Variants in ZBTB40 observed in about 807,000 individuals in gnomAD.
The protein encoded by ZBTB40 is zinc finger and BTB domain containing 40, also known as zinc finger and BTB domain-containing protein 40.
In ZBTB40, 60 loss-of-function variants were observed where a neutral mutation model predicts 117.5. That is an observed-to-expected ratio of 0.51 (90% confidence interval 0.41 to 0.63). The LOEUF (loss-of-function observed/expected upper bound fraction) is 0.63, where lower values mean the gene tolerates loss of function less well. Among genes scored for constraint, ZBTB40 ranks in the 30% least tolerant of loss-of-function variants. The pLI is 0.00. For synonymous variants in ZBTB40, 525 were observed against 577.1 expected (o/e 0.91, Z 1.29); for missense variants, 1,287 against 1,498.5 (o/e 0.86, Z 2.33).
chr1:22,495,850 G>A (rs550527782), intron 3 of ZBTB40, among the ~76,000 whole-genome samples: 10 of 152,258 alleles, frequency 6.6e-5, no homozygotes, highest in African/African-American at 2.4e-4. Context: ...AACTCTTCTG[G>A]ACATTAGCAC....
At chr1:22,521,692 G>A in intron 15 of ZBTB40, 34 bp downstream of exon 15, 1 of 1,614,110 alleles carries the variant, frequency 6.2e-7, no homozygotes, top group East Asian at 2.2e-5. Flanking sequence ...GAGAGCGGGA[G>A]GGGCTTGATG....
chr1:22,513,085 C>T lies in ZBTB40; in HGVS notation c.2623C>T (p.Gln875Ter). 6.2e-7 allele frequency: 1 copy of T among 1,614,158 alleles called. No homozygotes were observed. Among genetic ancestry groups the T allele is most frequent in the African/African-American group, 1.3e-5 (1 of 75,032 alleles). ...MCKHCLMTFT[Q>*]ASALAYHTKK... ...CAAGCACTGCCTCATGACCTTCACCCAGGCCTCCGCCCTGGCCTATCACAC... is the reference window on the plus strand; with the variant it reads ...CAAGCACTGCCTCATGACCTTCACCTAGGCCTCCGCCCTGGCCTATCACAC... The change falls in exon 12 of 18, where the codon CAG (glutamine) becomes TAG (stop). Residue 875 changes from glutamine (Q) to a stop codon, truncating the protein, a stop_gained. Coordinates refer to ENST00000375647, the MANE Select transcript of ZBTB40 (RefSeq NM_014870.4). LOFTEE classifies it high-confidence loss of function. The surrounding 1 kb of genome is among the most constrained non-coding windows in gnomAD (Gnocchi z 4.9).
intron 1 of ZBTB40, among the ~76,000 whole-genome samples, chr1:22,469,699 G>A (rs748552966): frequency 3.9e-5 from 6 of 151,946 alleles, no homozygotes; most frequent in Admixed American, 2.0e-4. Context: ...TACCACGCCC[G>A]ACTAATTTTT....
intron 1 of ZBTB40, among the ~76,000 whole-genome samples, chr1:22,487,853 A>T (rs182246421): frequency 3.3e-5 from 5 of 152,044 alleles, no homozygotes; most frequent in Non-Finnish European, 7.4e-5. Context: ...AGCATGGCCT[A>T]TATATCCCTC....
intron 1 of ZBTB40, among the ~76,000 whole-genome samples, chr1:22,486,199 G>A (rs1287319647): frequency 6.6e-6 from 1 of 152,198 alleles, no homozygotes; most frequent in African/African-American, 2.4e-5. Context: ...TGATGTGGTA[G>A]TAGGGTGCAG....
intron 3 of ZBTB40, among the ~76,000 whole-genome samples, chr1:22,496,374 A>G (rs1638774528): frequency 6.6e-6 from 1 of 152,180 alleles, no homozygotes; most frequent in Non-Finnish European, 1.5e-5. Flanking sequence ...CTCATCCAGG[A>G]CACTACGTTG....
chr1:22,495,522 G>GTTTT (rs571184061), intron 3 of ZBTB40, among the ~76,000 whole-genome samples: 1 of 151,634 alleles, frequency 6.6e-6, no homozygotes, highest in African/African-American at 2.4e-5. Context: ...GTTTTGTTTT[G>GTTTT]TTTTTTTGAG....
chr1:22,519,243 A>G (rs1639456451), intron 13 of ZBTB40, among the ~76,000 whole-genome samples: 1 of 152,236 alleles, frequency 6.6e-6, no homozygotes, highest in Admixed American at 6.5e-5. Context: ...TTGCTTTAAG[A>G]AAAAGACCAA....
chr1:22,447,007 G>T (rs1417679481), upstream of ZBTB40, among the ~76,000 whole-genome samples: 1 of 151,938 alleles, frequency 6.6e-6, no homozygotes, highest in Non-Finnish European at 1.5e-5. Flanking sequence ...GGGAGATGAG[G>T]CAGCAGGATG....
chr1:22,465,871 C>T (rs1055628912), intron 1 of ZBTB40, among the ~76,000 whole-genome samples: 2 of 152,212 alleles, frequency 1.3e-5, no homozygotes, highest in Non-Finnish European at 2.9e-5. Flanking sequence ...CTGCCTGCTC[C>T]GTGGAACATG....
intron 1 of ZBTB40, among the ~76,000 whole-genome samples, chr1:22,482,791 G>A (rs1315649383): frequency 2.0e-5 from 3 of 152,124 alleles, no homozygotes; most frequent in Non-Finnish European, 4.4e-5. Flanking sequence ...TGCATTTAAG[G>A]CCGGGTGCGG....
chr1:22,462,373 T>C (rs1641152372), intron 1 of ZBTB40, among the ~76,000 whole-genome samples: 1 of 152,196 alleles, frequency 6.6e-6, no homozygotes, highest in Non-Finnish European at 1.5e-5. Flanking sequence ...TTAATAATAG[T>C]AACTATCTCA....
rs1639304518 is a variant in ZBTB40, at chr1:22,513,765, T to C, written c.2668+635T>C. ...CACAACCTCTAGGCAAACAGACGAC[T>C]GGGAATAGCTCTGTGCACAGACGTA... On this transcript the variant is annotated intron_variant, in intron 12 of 17. Transcript: ENST00000375647. The surrounding 1 kb of genome is among the most constrained non-coding windows in gnomAD (Gnocchi z 4.9). Among the ~76,000 whole-genome samples the C allele has an allele frequency of 6.6e-6, 1 of 152,104 alleles. No homozygotes were observed. The highest frequency in any genetic ancestry group is 2.4e-5 in the African/African-American group (1 of 41,418).
intron 5 of ZBTB40, 145 bp from the exon 6 acceptor site, chr1:22,505,904 G>C (rs1557513059): frequency 2.6e-6 from 2 of 775,504 alleles, no homozygotes; most frequent in Middle Eastern, 2.4e-4. Context: ...AAGAAACTAT[G>C]AAAAAAAGTA....
chr1:22,469,934 T>C (rs1641361498), intron 1 of ZBTB40, among the ~76,000 whole-genome samples: 1 of 152,206 alleles, frequency 6.6e-6, no homozygotes, highest in Non-Finnish European at 1.5e-5. Context: ...GTTATTTTTT[T>C]GCTGAAAGAG....
At chr1:22,493,620 G>T (rs1638693870) in intron 3 of ZBTB40, among the ~76,000 whole-genome samples, 1 of 152,062 alleles carries the variant, frequency 6.6e-6, no homozygotes, top group Non-Finnish European at 1.5e-5. Flanking sequence ...TTGTCCCTGT[G>T]TACTACCCCT....
At position 22,491,422 on chromosome 1, in the gene ZBTB40, G is replaced by A; in HGVS notation, c.720G>A (p.Gln240=). The part of the protein sequence containing the change: ...TEPGCERKHY[Q]LNFLLENEGV... ...TAGGATGTGAAAGGAAACACTACCA[G>A]CTGAATTTTCTTCTAGAAAATGAAG... Residue 240 remains glutamine (Q), a synonymous_variant, in exon 3 of 18, where the codon CAG becomes CAA. Transcript: ENST00000375647. 6.2e-7 allele frequency: 1 copy of A among 1,613,930 alleles called. No individual in the cohort carries two copies. The highest frequency in any genetic ancestry group is 8.5e-7 in the Non-Finnish European group (1 of 1,179,902).
intron 1 of ZBTB40, among the ~76,000 whole-genome samples, chr1:22,458,702 G>A (rs1641061049): frequency 6.6e-6 from 1 of 152,108 alleles, no homozygotes; most frequent in South Asian, 2.1e-4. Flanking sequence ...TCTTTTTCTT[G>A]AATACTTTTT....
intron 1 of ZBTB40, among the ~76,000 whole-genome samples, chr1:22,478,274 G>A (rs532012969): frequency 6.6e-6 from 1 of 151,916 alleles, no homozygotes; most frequent in African/African-American, 2.4e-5. Context: ...TTGAGACGGA[G>A]TCTCGCTCTG....
Sources: gnomAD v4.1 joint callset for allele counts (sites outside exome capture counted in the v4.1 genomes callset) on GRCh38, gnomAD v4.1.1 for gene constraint, Gnocchi (gnomAD v3.1) non-coding constraint, MANE v1.5 for transcripts, NCBI Gene and HGNC (gene_info 2026-07-23, HGNC 2026-07-21) for gene names.